FBXO22: variants seen among roughly 807,000 people sequenced by gnomAD.
FBXO22 encodes the protein F-box protein 22.
In FBXO22, 13 loss-of-function variants were observed where a neutral mutation model predicts 37.2. The ratio of observed to expected loss-of-function variants is 0.35; its 90% CI spans 0.23 to 0.56. The LOEUF is 0.56. FBXO22 is among the 20% of genes least tolerant of loss of function. The pLI is 0.87. For synonymous variants in FBXO22, 189 were observed against 189.1 expected, an observed-to-expected ratio of 1.00 and a Z score of 0.00; for missense variants, 446 against 509.9, an observed-to-expected ratio of 0.87 and a Z score of 1.21.
At chr15:75,918,404 G>A (rs1343218311) in intron 5 of FBXO22, among the ~76,000 whole-genome samples, 1 of 152,152 alleles carries the variant, frequency 6.6e-6, no homozygotes, top group Non-Finnish European at 1.5e-5. Context: ...GACTCAGCCG[G>A]GAACCTCTTA....
At position 75,934,236 on chromosome 15, in the gene FBXO22, G is replaced by T. The variant is rs2030178810; in HGVS notation, c.*1134G>T. On this transcript the variant is annotated 3_prime_UTR_variant, in exon 7 of 7. Coordinates refer to ENST00000308275, the MANE Select transcript of FBXO22 (RefSeq NM_147188.3). Reference sequence around the variant, plus strand: ...TCCTGTTGCTTGGAATGTGGATCTGGTAGTGAGCCATCTTGGACCCTGAAG... The same window carrying T: ...TCCTGTTGCTTGGAATGTGGATCTGTTAGTGAGCCATCTTGGACCCTGAAG... 1.3e-5 allele frequency: 2 copies of T among 152,184 alleles called. No homozygotes were observed. The highest frequency in any genetic ancestry group is 2.4e-5 in the African/African-American group (1 of 41,408). The allele number at this position is 152,184 out of a possible 1,614,324, so 9.4% of individuals were successfully genotyped here.
chr15:75,910,525 T>C (rs1212535815), intron 2 of FBXO22: 1 of 152,250 alleles, frequency 6.6e-6, no homozygotes, highest in Non-Finnish European at 1.5e-5. Flanking sequence ...CTAGTAATGA[T>C]GAGCTTCTTT....
Position 75,930,191 on chromosome 15 carries a change from C to CT in FBXO22, c.794+143dup. ...CATTCCATTTTGTAGTAGACATTGG[C>CT]TAAGGGGCTTACTGAACATAATTCT... On this transcript the variant is annotated intron_variant, in intron 6 of 6. Coordinates refer to ENST00000308275, the MANE Select transcript of FBXO22 (RefSeq NM_147188.3). 9 of 1,486,500 alleles carry CT rather than the reference C, an allele frequency of 6.1e-6. No homozygotes were observed. In the South Asian group the frequency reaches 1.2e-4, roughly 20 times the overall value. 92.1% of individuals were successfully genotyped at this position (1,486,500 alleles called of 1,614,324 possible).
chr15:75,920,407 C>T (rs1900290833), intron 5 of FBXO22, among the ~76,000 whole-genome samples: 1 of 152,140 alleles, frequency 6.6e-6, no homozygotes, highest in Non-Finnish European at 1.5e-5. Flanking sequence ...CAACATAGCC[C>T]AGATTCTGGG....
chr15:75,905,229 G>A lies in FBXO22; in HGVS notation c.279+600G>A, dbSNP rs532338131. 1.1e-4 allele frequency among the ~76,000 whole-genome samples: 17 copies of A among 152,218 alleles called. No individual in the cohort carries two copies. In the South Asian group the frequency reaches 3.5e-3, roughly 32 times the overall value. On this transcript the variant is annotated intron_variant, in intron 2 of 6. Transcript: ENST00000308275. ...GCAACTTTTTGTTGTCTGTTTTACCGGGAAGACAACTGGGTGTGTCTTGCT... is the reference window on the plus strand; with the variant it reads ...GCAACTTTTTGTTGTCTGTTTTACCAGGAAGACAACTGGGTGTGTCTTGCT...
Position 75,938,792 on chromosome 15 carries a change from C to A in FBXO22, c.*5690C>A, listed in dbSNP as rs192817104. ...GAAGAAGATATGGTGCATTTTTGAACCACAACAGGATGTAGTTAGAAATCA... is the reference window on the plus strand; with the variant it reads ...GAAGAAGATATGGTGCATTTTTGAAACACAACAGGATGTAGTTAGAAATCA... On this transcript the variant is annotated 3_prime_UTR_variant, in exon 7 of 7. Coordinates refer to ENST00000308275, the MANE Select transcript of FBXO22 (RefSeq NM_147188.3). 5.8e-4 allele frequency: 88 copies of A among 152,112 alleles called. No individual in the cohort carries two copies. The highest frequency in any genetic ancestry group is 4.2e-3 in the East Asian group (22 of 5,182). 9.4% of individuals were successfully genotyped at this position (152,112 alleles called of 1,614,324 possible).
At chr15:75,921,056 A>G (rs961121113) in intron 5 of FBXO22, among the ~76,000 whole-genome samples, 1 of 152,224 alleles carries the variant, frequency 6.6e-6, no homozygotes, top group African/African-American at 2.4e-5. Context: ...TGTGTAGGCT[A>G]TACAGTGTAG....
rs959065379 is a variant in FBXO22 at position 75,935,303 on chromosome 15, CTG to C, written c.*2204_*2205del. The C allele has an allele frequency of 6.6e-6, 1 of 152,032 alleles. No homozygotes were observed. The highest frequency in any genetic ancestry group is 2.4e-5 in the African/African-American group (1 of 41,366). The allele number at this position is 152,032 out of a possible 1,614,324, so 9.4% of individuals were successfully genotyped here. A position where few individuals can be genotyped will look rare whatever the true frequency, so the allele number is the denominator to read the frequency against. The stretch of plus-strand genomic sequence containing the variant: ...TAGAGATGACAATCATTGTAGTCCT[CTG>C]TGAAACTGAAAATGATCACATGAAA... On this transcript the variant is annotated 3_prime_UTR_variant, in exon 7 of 7. Coordinates refer to ENST00000308275, the MANE Select transcript of FBXO22 (RefSeq NM_147188.3).
chr15:75,904,255 A>C, intron 1 of FBXO22, 152 bp downstream of exon 1: 5 of 1,206,838 alleles, frequency 4.1e-6, no homozygotes, highest in Non-Finnish European at 5.6e-6. Flanking sequence ...CCCGCGAGGT[A>C]TCTCCCAGCC....
intron 5 of FBXO22, among the ~76,000 whole-genome samples, chr15:75,920,508 C>G (rs1900293670): frequency 6.6e-6 from 1 of 152,132 alleles, no homozygotes; most frequent in Admixed American, 6.5e-5. Flanking sequence ...TCAATTGGCT[C>G]ATAATGTAGA....
chr15:75,927,756 A>G (rs557974868), intron 5 of FBXO22, among the ~76,000 whole-genome samples: 2 of 152,324 alleles, frequency 1.3e-5, no homozygotes, highest in South Asian at 4.1e-4. Context: ...GACCAGAGGC[A>G]GTTTCCCAGA....
chr15:75,914,142 G>A lies in FBXO22; in HGVS notation c.400G>A (p.Ala134Thr). 1 of 1,613,718 alleles carries A rather than the reference G, an allele frequency of 6.2e-7. No homozygotes were observed. Among genetic ancestry groups the A allele is most frequent in the Non-Finnish European group, 8.5e-7 (1 of 1,179,818 alleles). ...RKRTSMETAL[A>T]LEKLFPKQCQ... The stretch of plus-strand genomic sequence containing the variant: ...AAGAACTAGTATGGAAACAGCACTT[G>A]CCCTTGAGAAGCTATTCCCCAAACA... The change falls in exon 4 of 7, where the codon GCC becomes ACC. Residue 134 changes from alanine to threonine, a missense_variant. Ala to Thr is a moderately conservative substitution (Grantham distance 58). Transcript: ENST00000308275.
At chr15:75,924,807 C>G (rs560026502) in intron 5 of FBXO22, among the ~76,000 whole-genome samples, 1 of 152,186 alleles carries the variant, frequency 6.6e-6, no homozygotes, top group Admixed American at 6.6e-5. Context: ...CTCTTTGCTC[C>G]TTTGAGAATG....
Position 75,942,163 on chromosome 15 carries a change from G to A in FBXO22, c.*9061G>A, listed in dbSNP as rs2031054296. ...GTTGCCAGAGGTTCAGTGGGAGAGA[G>A]GGAGGGGTAAATACATGGAGTAGAG... On this transcript the variant is annotated 3_prime_UTR_variant, in exon 7 of 7. Coordinates refer to ENST00000308275, the MANE Select transcript of FBXO22 (RefSeq NM_147188.3). 6.6e-6 allele frequency: 1 copy of A among 151,924 alleles called. No homozygotes were observed. The highest frequency in any genetic ancestry group is 2.1e-4 in the South Asian group (1 of 4,818). The allele number at this position is 151,924 out of a possible 1,614,324, so 9.4% of individuals were successfully genotyped here. A position where few individuals can be genotyped will look rare whatever the true frequency, so the allele number is the denominator to read the frequency against.
At position 75,903,883 on chromosome 15, in the gene FBXO22, G is replaced by C. The variant is rs992141252; in HGVS notation, c.-81G>C. 1 of 1,392,044 alleles carries C rather than the reference G, an allele frequency of 7.2e-7. No individual in the cohort carries two copies. The highest frequency in any genetic ancestry group is 9.3e-7 in the Non-Finnish European group (1 of 1,070,954). 86.2% of individuals were successfully genotyped at this position (1,392,044 alleles called of 1,614,324 possible). A position where few individuals can be genotyped will look rare whatever the true frequency, so the allele number is the denominator to read the frequency against. On this transcript the variant is annotated 5_prime_UTR_variant, in exon 1 of 7. Transcript: ENST00000308275. ...AGTGGCGCGGACGCCTGCTCAGTGC[G>C]CGCCGGCCGGGCAACCCTATGCTGG...
chr15:75,904,162 A>G (rs538035708), intron 1 of FBXO22, 59 bp downstream of exon 1: 21 of 1,480,558 alleles, frequency 1.4e-5, no homozygotes, highest in Non-Finnish European at 1.9e-5. Context: ...GGCATGTCCC[A>G]GGCTGGCGGG....
intron 2 of FBXO22, among the ~76,000 whole-genome samples, chr15:75,909,814 C>T (rs1467248838): frequency 1.4e-5 from 2 of 147,070 alleles, no homozygotes; most frequent in Non-Finnish European, 3.0e-5. Flanking sequence ...ATGTGCAGAA[C>T]ATGCAGGTTT....
intron 5 of FBXO22, among the ~76,000 whole-genome samples, chr15:75,917,952 T>C (rs1900224775): frequency 6.6e-6 from 1 of 152,116 alleles, no homozygotes; most frequent in African/African-American, 2.4e-5. Context: ...CTGAAGTGAA[T>C]TTGAAGAGGT....
At chr15:75,922,155 G>C (rs954038139) in intron 5 of FBXO22, among the ~76,000 whole-genome samples, 3 of 152,192 alleles carry the variant, frequency 2.0e-5, no homozygotes, top group African/African-American at 7.2e-5. Flanking sequence ...CACTGCAATA[G>C]GCTTGTTTAC....
Sources: gnomAD v4.1 joint callset for allele counts (sites outside exome capture counted in the v4.1 genomes callset) on GRCh38, gnomAD v4.1.1 for gene constraint, MANE v1.5 for transcripts, NCBI Gene and HGNC (gene_info 2026-07-23, HGNC 2026-07-21) for gene names.